The following EML3 variants were observed in gnomAD, a reference collection of about 807,000 sequenced individuals.
EML3 encodes the protein EMAP like 3, also known as echinoderm microtubule-associated protein-like 3.
Under a neutral mutation model 106.7 loss-of-function variants are expected in EML3, and 53 were observed. The ratio of observed to expected loss-of-function variants is 0.50; its 90% CI spans 0.40 to 0.62. The LOEUF (loss-of-function observed/expected upper bound fraction) is 0.62, where lower values mean the gene tolerates loss of function less well. Among genes scored for constraint, EML3 ranks in the 20% least tolerant of loss-of-function variants. EML3 has a pLI of 0.00. For synonymous variants in EML3, 499 were observed against 489.6 expected, an observed-to-expected ratio of 1.02 and a Z score of -0.25; for missense variants, 994 against 1,209.1, an observed-to-expected ratio of 0.82 and a Z score of 2.64.
rs781205551 is a variant in EML3, at chr11:62,602,450, G to A, written c.*25C>T. On this transcript the variant is annotated 3_prime_UTR_variant, in exon 22 of 22. Coordinates refer to ENST00000394773, the MANE Select transcript of EML3 (RefSeq NM_153265.3). ...GGGCGGGGCGGGGCCACGCCGCCGG[G>A]CCAGTCGGTCCCGCCAGGCAGCGAT... 3 of 1,544,732 alleles carry A rather than the reference G, an allele frequency of 1.9e-6. No homozygotes were observed. In the South Asian group the frequency reaches 3.6e-5, roughly 18 times the overall value.
rs1942806615 is a variant in EML3, at chr11:62,611,278, C to T, written c.261G>A (p.Thr87=). The T allele has an allele frequency of 6.2e-7, 1 of 1,612,796 alleles. No homozygotes were observed. The highest frequency in any genetic ancestry group is 1.3e-5 in the African/African-American group (1 of 74,920). ...ATGACTTGAGCTCCACCTCTGTCTC[C>T]GTCTGGGTGCCTCGGCTCACCAAGG... ...TPSLVSRGTQ[T]ETEVELKSSP... The change falls in exon 3 of 22, where the codon ACG becomes ACA. Residue 87 remains threonine (T), a synonymous_variant. Transcript: ENST00000394773.
In EML3 at chr11:62,602,486, GGGA is replaced by G. The variant is rs1455404017; in HGVS notation, c.2677_2679del (p.Ser893del). The G allele has an allele frequency of 2.0e-6, 3 of 1,535,128 alleles. No individual in the cohort carries two copies. The highest frequency in any genetic ancestry group is 1.4e-5 in the African/African-American group (1 of 72,184). ...CCGCCAGGCAGCGATCAAACGTCGA[GGGA>G]GGAGGCGGGGGACAGGGAGGGGGTT... On this transcript the variant is annotated inframe_deletion, in exon 22 of 22. Coordinates refer to ENST00000394773, the MANE Select transcript of EML3 (RefSeq NM_153265.3).
chr11:62,610,775 G>A (rs943930661), intron 4 of EML3, 104 bp downstream of exon 4: 9 of 997,576 alleles, frequency 9.0e-6, no homozygotes, highest in Middle Eastern at 6.2e-4. Flanking sequence ...ATTCCTGTTG[G>A]GCAATCAGGT....
chr11:62,612,290 G>T, intron 1 of EML3, 146 bp downstream of exon 1: 2 of 775,722 alleles, frequency 2.6e-6, no homozygotes, highest in Non-Finnish European at 4.0e-6. Flanking sequence ...TAGGGAGGGC[G>T]ACCGGAGGAA....
Position 62,611,177 on chromosome 11 carries a change from G to A in EML3, c.362C>T (p.Ser121Phe). 5.0e-6 allele frequency: 8 copies of A among 1,606,716 alleles called. No individual in the cohort carries two copies. Among genetic ancestry groups the A allele is most frequent in the Non-Finnish European group, 5.9e-6 (7 of 1,179,140 alleles). Residue 121 changes from serine to phenylalanine, a missense_variant, in exon 3 of 22, where the codon TCT becomes TTT. Around this residue, in one of 3 missense-constraint regions of EML3, gnomAD observed 269 missense variants for 265.1 expected, o/e 1.01. Transcript: ENST00000394773. ...ACTGCTGCTGCTGCCCCCTCCTTCA[G>A]ATTGGGTCCCGCTAGGCTCTTCGCT... ...GASEEPSGTQ[S>F]EGGGSSSSGA...
Position 62,611,442 on chromosome 11 carries a change from T to C in EML3, c.177A>G (p.Pro59=). 1 of 1,613,682 alleles carries C rather than the reference T, an allele frequency of 6.2e-7. No homozygotes were observed. Among genetic ancestry groups the C allele is most frequent in the Non-Finnish European group, 8.5e-7 (1 of 1,179,826 alleles). The change falls in exon 2 of 22, where the codon CCA becomes CCG. Residue 59 remains proline (P), a synonymous_variant. Coordinates refer to ENST00000394773, the MANE Select transcript of EML3 (RefSeq NM_153265.3). ...ATGCATACCTGTCCCCCGGAGGAGC[T>C]GGTGTGCCAGAGCCCTGCAGGGAGG... The part of the protein sequence containing the change: ...PPSSLQGSGT[P]APPGDSLAAP...
chr11:62,612,034 G>A (rs1042215742), intron 1 of EML3: 20 of 371,788 alleles, frequency 5.4e-5, no homozygotes, highest in Non-Finnish European at 7.8e-5. Context: ...GTGCGGGAAT[G>A]GAGTCATACT....
chr11:62,603,590 G>C (rs761282231), intron 19 of EML3, 139 bp downstream of exon 19: 2 of 731,762 alleles, frequency 2.7e-6, no homozygotes, highest in Non-Finnish European at 4.5e-6. Flanking sequence ...TCCAAATCAC[G>C]AAATTTCTCC....
chr11:62,603,156 G>A lies in EML3; in HGVS notation c.2349C>T (p.His783=). The change falls in exon 20 of 22, where the codon CAC becomes CAT. Residue 783 remains histidine (H), a synonymous_variant. Coordinates refer to ENST00000394773, the MANE Select transcript of EML3 (RefSeq NM_153265.3). The part of the protein sequence containing the change: ...WATYTCVLGF[H]VYGVWPDGSD... ...TTCCACGCCCCTGCTCACCGTAGAC[G>A]TGAAAGCCCAGCACACAGGTGTAGG... 8.7e-6 allele frequency: 14 copies of A among 1,614,002 alleles called. No homozygotes were observed. Among genetic ancestry groups the A allele is most frequent in the Non-Finnish European group, 1.1e-5 (13 of 1,179,990 alleles).
chr11:62,607,116 G>A lies in EML3; in HGVS notation c.1363-17C>T, dbSNP rs1359344213. On this transcript the variant is annotated splice_polypyrimidine_tract_variant and intron_variant, in intron 11 of 21. Coordinates refer to ENST00000394773, the MANE Select transcript of EML3 (RefSeq NM_153265.3). ...CTTGTATTTCTAGTGGGAGGGGAGA[G>A]CAGACAGTAGAGGTCAAAGGGAAGG... 1.9e-6 allele frequency: 3 copies of A among 1,612,758 alleles called. No individual in the cohort carries two copies. Among genetic ancestry groups the A allele is most frequent in the East Asian group, 2.2e-5 (1 of 44,826 alleles).
At position 62,609,054 on chromosome 11, in the gene EML3, A is replaced by G. The variant is rs1327362492; in HGVS notation, c.837T>C (p.Cys279=). The part of the protein sequence containing the change: ...RSGEVVYFIA[C]VVVLYRPGGG... ...CTCCAGGCCGGTACAGCACCACCAC[A>G]CAGGCGATAAAGTAGACCACCTCCC... The change falls in exon 7 of 22, where the codon TGT becomes TGC. Residue 279 remains cysteine, a synonymous_variant. Coordinates refer to ENST00000394773, the MANE Select transcript of EML3 (RefSeq NM_153265.3). The G allele has an allele frequency of 1.2e-6, 2 of 1,613,864 alleles. No homozygotes were observed. The highest frequency in any genetic ancestry group is 2.2e-5 in the East Asian group (1 of 44,880).
At chr11:62,603,091 C>T in intron 20 of EML3, 58 bp downstream of exon 20, 1 of 1,602,646 alleles carries the variant, frequency 6.2e-7, no homozygotes, top group African/African-American at 1.3e-5. Flanking sequence ...GTTCCAAGCC[C>T]AAACTGGGCT....
intron 12 of EML3, chr11:62,606,513 C>A (rs181923272): frequency 6.2e-6 from 3 of 481,316 alleles, no homozygotes; most frequent in Non-Finnish European, 1.1e-5. Flanking sequence ...GTGCTGCCCA[C>A]ACGCTTCTAG....
intron 20 of EML3, 111 bp from the exon 21 acceptor site, chr11:62,603,000 G>A: frequency 5.4e-6 from 8 of 1,481,762 alleles, no homozygotes; most frequent in Non-Finnish European, 7.2e-6. Flanking sequence ...CCGCGTTCCA[G>A]GCAAGCCTTC....
In EML3 at chr11:62,605,467, A is replaced by G. The variant is rs1942460662; in HGVS notation, c.1914+175T>C. On this transcript the variant is annotated intron_variant, in intron 15 of 21. Transcript: ENST00000394773. The surrounding 1 kb of genome is among the most constrained non-coding windows in gnomAD (Gnocchi z 5.2). ...CAGGGAGTGCCCAGGTGGTACTAGAAGCATCAGCTTTTACCAGTCAGTACA... is the reference window on the plus strand; with the variant it reads ...CAGGGAGTGCCCAGGTGGTACTAGAGGCATCAGCTTTTACCAGTCAGTACA... 1.1e-6 allele frequency: 1 copy of G among 951,354 alleles called. No individual in the cohort carries two copies. The highest frequency in any genetic ancestry group is 2.6e-5 in the East Asian group (1 of 38,142). The allele number at this position is 951,354 out of a possible 1,614,324, so 58.9% of individuals were successfully genotyped here.
At position 62,610,895 on chromosome 11, in the gene EML3, A is replaced by ACC; in HGVS notation, c.548_549dup (p.Ser184GlyfsTer34). 1.9e-6 allele frequency: 3 copies of ACC among 1,611,194 alleles called. No individual in the cohort carries two copies. In the South Asian group the frequency reaches 3.3e-5, roughly 18 times the overall value. On this transcript the variant is annotated frameshift_variant, in exon 4 of 22. Coordinates refer to ENST00000394773, the MANE Select transcript of EML3 (RefSeq NM_153265.3). LOFTEE classifies it high-confidence loss of function. ...CTCACCCACCTCTCTGTGCTCCCGG[A>ACC]CCGCACTAACAGGTTGGCGGAGGAG...
Position 62,605,338 on chromosome 11 carries a change from G to T in EML3, c.1915-158C>A. ...GGTATCACTGGAGCCTGAACAGGGA[G>T]TGATACCAAAATATTTAACCACAGA... is the stretch of plus-strand genomic sequence containing the variant. On this transcript the variant is annotated intron_variant, in intron 15 of 21. Coordinates refer to ENST00000394773, the MANE Select transcript of EML3 (RefSeq NM_153265.3). The surrounding 1 kb of genome is among the most constrained non-coding windows in gnomAD (Gnocchi z 5.2). 1 of 725,520 alleles carries T rather than the reference G, an allele frequency of 1.4e-6. No homozygotes were observed. The highest frequency in any genetic ancestry group is 2.2e-6 in the Non-Finnish European group (1 of 457,178). 44.9% of individuals were successfully genotyped at this position (725,520 alleles called of 1,614,324 possible).
rs537470976 is a variant in EML3, at chr11:62,609,681, G to A, written c.582C>T (p.Asp194=). 6.2e-6 allele frequency: 10 copies of A among 1,604,742 alleles called. No individual in the cohort carries two copies. In the East Asian group the frequency reaches 1.4e-4, roughly 22 times the overall value. ...CAGGGCCCCCAGGGCTGGAGAGGGG[G>A]TCTTTTCCCCCACGGCTGTTGGGAA... ...SGSTESRGGK[D]PLSSPGGPGS... is the part of the protein sequence containing the mutation. Residue 194 remains aspartate (D), a synonymous_variant, in exon 5 of 22, where the codon GAC becomes GAT. Transcript: ENST00000394773.
chr11:62,612,458 C>T lies in EML3; in HGVS notation c.-1G>A. The T allele has an allele frequency of 6.9e-7, 1 of 1,459,178 alleles. No homozygotes were observed. The highest frequency in any genetic ancestry group is 9.0e-7 in the Non-Finnish European group (1 of 1,113,818). 90.4% of individuals were successfully genotyped at this position (1,459,178 alleles called of 1,614,324 possible). A position where few individuals can be genotyped will look rare whatever the true frequency, so the allele number is the denominator to read the frequency against. On this transcript the variant is annotated 5_prime_UTR_variant, in exon 1 of 22. Transcript: ENST00000394773. ...CACCGGGCCCCGCGGCCCCGTCCATCCGGCCCCCGGGTTGCTCCGAGCGGC... is the reference window on the plus strand; with the variant it reads ...CACCGGGCCCCGCGGCCCCGTCCATTCGGCCCCCGGGTTGCTCCGAGCGGC...
Sources: allele counts gnomAD v4.1 joint callset, GRCh38; gene constraint gnomAD v4.1.1; regional missense constraint gnomAD v4.1.1; non-coding constraint Gnocchi (gnomAD v3.1); transcripts MANE v1.5; gene names NCBI Gene and HGNC (gene_info 2026-07-23, HGNC 2026-07-21).